Variants in UTRN observed in about 807,000 individuals in gnomAD.
The protein encoded by UTRN is utrophin, also known as dystrophin-related protein 1.
A neutral mutation model predicts 463.9 loss-of-function variants in UTRN; 283 were observed. The ratio of observed to expected loss-of-function variants is 0.61; its 90% CI spans 0.55 to 0.67. The LOEUF (loss-of-function observed/expected upper bound fraction) is 0.67, where lower values mean the gene tolerates loss of function less well. UTRN is among the 30% of genes least tolerant of loss of function. The probability of loss-of-function intolerance (pLI) is 0.00; values close to 1 mark genes in which losing one functional copy is unlikely to be tolerated. For missense variants in UTRN, 3,922 were observed against 4,084.3 expected (o/e 0.96, Z 1.08); for synonymous variants, 1,442 against 1,431.5 (o/e 1.01, Z -0.17).
At chr6:144,322,485 T>G (rs1348587046) in intron 2 of UTRN, among the ~76,000 whole-genome samples, 1 of 152,208 alleles carries the variant, frequency 6.6e-6, no homozygotes, top group Non-Finnish European at 1.5e-5. Flanking sequence ...AGGAATTTAT[T>G]TTGACCAGCA....
chr6:144,499,920 C>T (rs1794023250), intron 34 of UTRN, among the ~76,000 whole-genome samples: 1 of 152,184 alleles, frequency 6.6e-6, no homozygotes, highest in Non-Finnish European at 1.5e-5. Context: ...CCAGCTGCAA[C>T]CATGTTGCTG....
chr6:144,418,805 G>A (rs1488589083), intron 3 of UTRN, among the ~76,000 whole-genome samples: 1 of 152,020 alleles, frequency 6.6e-6, no homozygotes, highest in Non-Finnish European at 1.5e-5. Flanking sequence ...TCTCGCCTCG[G>A]CCTCCCAAAG....
intron 65 of UTRN, among the ~76,000 whole-genome samples, chr6:144,818,300 T>G (rs1228468527): frequency 6.6e-6 from 1 of 152,182 alleles, no homozygotes; most frequent in Non-Finnish European, 1.5e-5. Flanking sequence ...GAGTTTCTCT[T>G]TGGGGTGATG....
At chr6:144,810,224 G>A (rs1396989636) in intron 65 of UTRN, among the ~76,000 whole-genome samples, 1 of 152,120 alleles carries the variant, frequency 6.6e-6, no homozygotes, top group East Asian at 1.9e-4. Context: ...GATGGGAGAA[G>A]GTCAGAGAGA....
intron 2 of UTRN, among the ~76,000 whole-genome samples, chr6:144,366,027 CG>C (rs11343207): frequency 0.045 from 6,882 of 152,232 alleles, 408 homozygotes; most frequent in African/African-American, 0.13. Flanking sequence ...CGTGAGCCAC[CG>C]CACCTGGCCT....
intron 1 of UTRN, among the ~76,000 whole-genome samples, chr6:144,289,135 A>G (rs1259361008): frequency 1.3e-5 from 2 of 152,124 alleles, no homozygotes; most frequent in African/African-American, 4.8e-5. Context: ...TATATAACTC[A>G]GAGGCATTTC....
At chr6:144,427,831 G>A (rs1785430039) in intron 7 of UTRN, among the ~76,000 whole-genome samples, 1 of 152,152 alleles carries the variant, frequency 6.6e-6, no homozygotes, top group African/African-American at 2.4e-5. Context: ...ATACAGCAGA[G>A]AACAAAACAG....
chr6:144,704,322 G>T (rs1251386997), intron 53 of UTRN, among the ~76,000 whole-genome samples: 1 of 152,064 alleles, frequency 6.6e-6, no homozygotes, highest in Non-Finnish European at 1.5e-5. Context: ...GGACAATAAA[G>T]AAATGAATAT....
chr6:144,572,183 C>A (rs528979455), intron 50 of UTRN, among the ~76,000 whole-genome samples: 1 of 152,122 alleles, frequency 6.6e-6, no homozygotes, highest in Non-Finnish European at 1.5e-5. Flanking sequence ...GGATTCAGAC[C>A]CTCTTTTCTG....
chr6:144,838,720 T>A (rs1345909167), intron 71 of UTRN, among the ~76,000 whole-genome samples: 1 of 152,182 alleles, frequency 6.6e-6, no homozygotes, highest in Non-Finnish European at 1.5e-5. Context: ...ATTACACAGC[T>A]TATGAGTGGC....
At position 144,700,075 on chromosome 6, in the gene UTRN, A is replaced by C. The variant is rs1249396257; in HGVS notation, c.7653-12A>C. The C allele has an allele frequency of 6.4e-7, 1 of 1,561,036 alleles. No individual in the cohort carries two copies. Among genetic ancestry groups the C allele is most frequent in the East Asian group, 2.3e-5 (1 of 44,422 alleles). ...AAATGTGGTTATTATTATTATTATT[A>C]TCTCTCAACAGGGCCCATTTGGAGG... On this transcript the variant is annotated splice_polypyrimidine_tract_variant and intron_variant, in intron 52 of 74. Transcript: ENST00000367545.
At chr6:144,789,382 C>A (rs1291505601) in intron 62 of UTRN, 103 bp downstream of exon 62, 3 of 1,017,416 alleles carry the variant, frequency 2.9e-6, no homozygotes, top group African/African-American at 1.7e-5. Flanking sequence ...AGTAATAGTT[C>A]TCTCTCTTTT....
At chr6:144,625,035 G>A (rs1020938578) in intron 51 of UTRN, among the ~76,000 whole-genome samples, 1 of 152,180 alleles carries the variant, frequency 6.6e-6, no homozygotes, top group Non-Finnish European at 1.5e-5. Context: ...TTCCACAGCA[G>A]TGGCTAAAAT....
chr6:144,397,254 A>C (rs1584603845), intron 2 of UTRN, among the ~76,000 whole-genome samples: 1 of 152,164 alleles, frequency 6.6e-6, no homozygotes, highest in East Asian at 1.9e-4. Flanking sequence ...TAAAAAAAAA[A>C]AATGTTCCTC....
chr6:144,407,805 G>T (rs1783546031), intron 3 of UTRN, among the ~76,000 whole-genome samples: 1 of 152,124 alleles, frequency 6.6e-6, no homozygotes, highest in Non-Finnish European at 1.5e-5. Context: ...ACATATCATG[G>T]AGTATACAGT....
intron 2 of UTRN, among the ~76,000 whole-genome samples, chr6:144,372,466 C>T (rs1780079345): frequency 6.6e-6 from 1 of 152,028 alleles, no homozygotes; most frequent in African/African-American, 2.4e-5. Context: ...GGTCTAGTAT[C>T]CGCAATAGAT....
intron 63 of UTRN, among the ~76,000 whole-genome samples, chr6:144,797,394 C>T (rs1347766399): frequency 6.6e-6 from 1 of 151,996 alleles, no homozygotes; most frequent in Non-Finnish European, 1.5e-5. Context: ...GGGGTTTCAC[C>T]GTGTTGCCTA....
At chr6:144,313,730 A>C (rs1584247531) in intron 2 of UTRN, among the ~76,000 whole-genome samples, 1 of 152,334 alleles carries the variant, frequency 6.6e-6, no homozygotes, top group Non-Finnish European at 1.5e-5. Flanking sequence ...ACCGTGCTTT[A>C]GGACTTGCAT....
At chr6:144,376,827 A>T (rs1395690925) in intron 2 of UTRN, among the ~76,000 whole-genome samples, 1 of 152,170 alleles carries the variant, frequency 6.6e-6, no homozygotes, top group Non-Finnish European at 1.5e-5. Flanking sequence ...GAACTGAAGA[A>T]TTTACCAAAG....
Sources: allele counts gnomAD v4.1 joint callset (sites outside exome capture counted in the v4.1 genomes callset), GRCh38; gene constraint gnomAD v4.1.1; transcripts MANE v1.5; gene names NCBI Gene and HGNC (gene_info 2026-07-23, HGNC 2026-07-21).